The following PCDHGA6 variants were observed in gnomAD, a reference collection of about 807,000 sequenced individuals.
PCDHGA6 encodes protocadherin gamma subfamily A, 6.
Under a neutral mutation model 60.6 loss-of-function variants are expected in PCDHGA6, and 41 were observed. The ratio of observed to expected loss-of-function variants is 0.68; its 90% CI spans 0.53 to 0.88. PCDHGA6 has a LOEUF of 0.88. Ranked by LOEUF, PCDHGA6 falls within the 40% of genes least tolerant of loss-of-function variation. The probability of loss-of-function intolerance (pLI) is 0.00; values close to 1 mark genes in which losing one functional copy is unlikely to be tolerated. For synonymous variants in PCDHGA6, 594 were observed against 524.4 expected (o/e 1.13, Z -1.81); for missense variants, 1,312 against 1,203.0 (o/e 1.09, Z -1.34).
rs1561663429 is a variant in PCDHGA6 at position 141,398,237 on chromosome 5, T to C, written c.2424+21730T>C. 4.1e-6 allele frequency: 6 copies of C among 1,479,416 alleles called. No homozygotes were observed. In the African/African-American group the frequency reaches 8.6e-5, roughly 21 times the overall value. The allele number at this position is 1,479,416 out of a possible 1,614,324, so 91.6% of individuals were successfully genotyped here. ...CTCTGTGAGCAGATCCGCTACAGGA[T>C]TCCCGAGGAAATGCCCAAGGGCTCC... On this transcript the variant is annotated intron_variant, in intron 1 of 3. Transcript: ENST00000517434.
chr5:141,510,069 CCAGCAGAGTGCCTGG>C (rs994886462), intron 3 of PCDHGA6, among the ~76,000 whole-genome samples: 12 of 152,260 alleles, frequency 7.9e-5, no homozygotes, highest in Admixed American at 7.8e-4. Context: ...TGTGAAGCAT[CCAGCAGAGTGCCTGG>C]CACACAGTAG....
intron 1 of PCDHGA6, chr5:141,418,374 T>C: frequency 1.2e-6 from 2 of 1,613,968 alleles, no homozygotes; most frequent in Non-Finnish European, 1.7e-6. Flanking sequence ...AAATACCAAC[T>C]AAGTCCTAAC....
At chr5:141,388,703 C>T in intron 1 of PCDHGA6, 1 of 1,613,982 alleles carries the variant, frequency 6.2e-7, no homozygotes, top group Non-Finnish European at 8.5e-7. Context: ...ATGAGGGTGT[C>T]AATGCCGAGA....
intron 1 of PCDHGA6, chr5:141,400,141 A>G (rs763561348): frequency 1.9e-6 from 3 of 1,614,020 alleles, no homozygotes; most frequent in Non-Finnish European, 8.5e-7. Flanking sequence ...GCCGGATATC[A>G]CTGACCGCCC....
At chr5:141,409,030 G>C (rs377547144) in intron 1 of PCDHGA6, 2 of 1,614,010 alleles carry the variant, frequency 1.2e-6, no homozygotes, top group South Asian at 2.2e-5. Context: ...TCAATGCTGA[G>C]ATAAACTACT....
intron 1 of PCDHGA6, chr5:141,400,525 G>A: frequency 6.2e-7 from 1 of 1,613,908 alleles, no homozygotes; most frequent in Non-Finnish European, 8.5e-7. Context: ...TCCTGAGTTG[G>A]TGAGTTTCAT....
At chr5:141,426,876 C>T (rs796453479) in intron 1 of PCDHGA6, 2 of 456,726 alleles carry the variant, frequency 4.4e-6, no homozygotes, top group African/African-American at 2.0e-5. Context: ...GGAGAAGCCC[C>T]TGGGCCAGGA....
chr5:141,393,927 C>T, intron 1 of PCDHGA6: 2 of 1,613,970 alleles, frequency 1.2e-6, no homozygotes, highest in South Asian at 1.1e-5. Context: ...CTTGAGTGTG[C>T]ATGACCAAGA....
chr5:141,485,744 G>T lies in PCDHGA6; in HGVS notation c.2425-9063G>T. 1 of 1,614,226 alleles carries T rather than the reference G, an allele frequency of 6.2e-7. No individual in the cohort carries two copies. Among genetic ancestry groups the T allele is most frequent in the Non-Finnish European group, 8.5e-7 (1 of 1,180,038 alleles). On this transcript the variant is annotated intron_variant, in intron 1 of 3. Transcript: ENST00000517434. The surrounding 1 kb of genome is among the most constrained non-coding windows in gnomAD (Gnocchi z 5.7). ...GAAGAAGCGCAGCGACGGCAGCCTG[G>T]TCCCAGAGCTGCTCCTGGAGAAGCC...
At position 141,375,014 on chromosome 5, in the gene PCDHGA6, G is replaced by C; in HGVS notation, c.931G>C (p.Asp311His). ...ISTSANLDYEDSSFYELGVEA... is the reference protein window; with the variant it reads ...ISTSANLDYEHSSFYELGVEA... The stretch of plus-strand genomic sequence containing the variant: ...AACTTCTGCAAATCTAGACTATGAG[G>C]ACTCGAGTTTTTATGAGCTGGGTGT... Residue 311 changes from aspartate (D) to histidine (H), a missense_variant, in exon 1 of 4, where the codon GAC becomes CAC. Coordinates refer to ENST00000517434, the MANE Select transcript of PCDHGA6 (RefSeq NM_018919.3). The C allele has an allele frequency of 6.2e-7, 1 of 1,614,004 alleles. No homozygotes were observed. The highest frequency in any genetic ancestry group is 8.5e-7 in the Non-Finnish European group (1 of 1,179,904).
At chr5:141,495,052 CTGTT>C (rs1406995321) in intron 2 of PCDHGA6, among the ~76,000 whole-genome samples, 187 bp downstream of exon 2, 1 of 152,190 alleles carries the variant, frequency 6.6e-6, no homozygotes, top group Non-Finnish European at 1.5e-5. Context: ...ACTGCCCTGA[CTGTT>C]CAGGAAGCTC....
chr5:141,502,179 A>G (rs1403845758), intron 2 of PCDHGA6, among the ~76,000 whole-genome samples: 2 of 152,218 alleles, frequency 1.3e-5, no homozygotes, highest in Non-Finnish European at 2.9e-5. Context: ...GGAATTTAAC[A>G]TTAATACAAT....
intron 1 of PCDHGA6, chr5:141,389,969 C>G: frequency 6.2e-7 from 1 of 1,614,042 alleles, no homozygotes; most frequent in Non-Finnish European, 8.5e-7. Context: ...TGGCCTTGGC[C>G]TTGATCTCAG....
At position 141,375,769 on chromosome 5, in the gene PCDHGA6, C is replaced by G; in HGVS notation, c.1686C>G (p.Ile562Met). 1.2e-6 allele frequency: 2 copies of G among 1,614,238 alleles called. No individual in the cohort carries two copies. The highest frequency in any genetic ancestry group is 1.7e-6 in the Non-Finnish European group (2 of 1,180,038). ...ACCAGAATGACAATGCGCCCGAGAT[C>G]CTGTACCCCGCCCTCCCCACAGACG... ...VLDQNDNAPE[I>M]LYPALPTDGS... The change falls in exon 1 of 4, where the codon ATC (isoleucine) becomes ATG (methionine). Residue 562 changes from isoleucine (I) to methionine (M), a missense_variant. Coordinates refer to ENST00000517434, the MANE Select transcript of PCDHGA6 (RefSeq NM_018919.3).
chr5:141,392,641 C>A, intron 1 of PCDHGA6: 2 of 655,502 alleles, frequency 3.1e-6, no homozygotes, highest in East Asian at 5.8e-5. Flanking sequence ...TCACACCTCA[C>A]GAAGACCCGC....
rs748395200 is a variant in PCDHGA6, at chr5:141,374,991, CT to C, written c.910del (p.Ser304LeufsTer4). On this transcript the variant is annotated frameshift_variant, in exon 1 of 4. Transcript: ENST00000517434. LOFTEE classifies it high-confidence loss of function. Reference sequence around the variant, plus strand: ...AATGTTTTGACTGGAGAAATTTCAACTTCTGCAAATCTAGACTATGAGGACT... The same window carrying C: ...AATGTTTTGACTGGAGAAATTTCAACTCTGCAAATCTAGACTATGAGGACT... ...CLNVLTGEIS[T>X]SANLDYEDSS... The C allele has an allele frequency of 5.6e-6, 9 of 1,613,918 alleles. No individual in the cohort carries two copies. In the East Asian group the frequency reaches 2.0e-4, roughly 36 times the overall value.
At chr5:141,389,032 A>C in intron 1 of PCDHGA6, 1 of 1,613,974 alleles carries the variant, frequency 6.2e-7, no homozygotes, top group Non-Finnish European at 8.5e-7. Flanking sequence ...GTGACTTGTA[A>C]ATTGGAAGGT....
chr5:141,376,374 G>C lies in PCDHGA6; in HGVS notation c.2291G>C (p.Arg764Pro), dbSNP rs561821467. Residue 764 changes from arginine (R) to proline (P), a missense_variant, in exon 1 of 4, where the codon CGT becomes CCT. By Grantham distance (103) the Arg-to-Pro change is moderately radical (BLOSUM62 -2). Coordinates refer to ENST00000517434, the MANE Select transcript of PCDHGA6 (RefSeq NM_018919.3). The part of the protein sequence containing the change: ...SHEVSLTADS[R>P]KSHLIFPQPN... Reference sequence around the variant, plus strand: ...GAGGTCTCACTCACTGCAGACTCGCGTAAGAGTCATCTGATTTTCCCCCAG... The same window carrying C: ...GAGGTCTCACTCACTGCAGACTCGCCTAAGAGTCATCTGATTTTCCCCCAG... 6.2e-6 allele frequency: 10 copies of C among 1,614,072 alleles called. No homozygotes were observed. The highest frequency in any genetic ancestry group is 2.7e-5 in the African/African-American group (2 of 74,918).
chr5:141,394,128 G>T, intron 1 of PCDHGA6: 10 of 1,613,730 alleles, frequency 6.2e-6, no homozygotes, highest in Non-Finnish European at 5.9e-6. Context: ...AACTCAAATC[G>T]CTCTGCACGT....
Sources: allele counts gnomAD v4.1 joint callset (sites outside exome capture counted in the v4.1 genomes callset), GRCh38; gene constraint gnomAD v4.1.1; non-coding constraint Gnocchi (gnomAD v3.1); transcripts MANE v1.5; gene names NCBI Gene and HGNC (gene_info 2026-07-23, HGNC 2026-07-21).